Variants in FGF12 observed in about 807,000 individuals in gnomAD.
The protein encoded by FGF12 is fibroblast growth factor 12.
A neutral mutation model predicts 23.6 loss-of-function variants in FGF12; 14 were observed. The observed-to-expected ratio is 0.59, with a 90% CI of 0.39 to 0.93. FGF12 has a LOEUF of 0.93. FGF12 is among the 40% of genes least tolerant of loss of function. The probability of loss-of-function intolerance (pLI) is 0.00; values close to 1 mark genes in which losing one functional copy is unlikely to be tolerated. For synonymous variants in FGF12, 62 were observed against 77.3 expected (o/e 0.80, Z 1.04); for missense variants, 175 against 217.8 (o/e 0.80, Z 1.24).
At chr3:192,725,934 T>C (rs947546066) in intron 2 of FGF12, among the ~76,000 whole-genome samples, 1 of 152,330 alleles carries the variant, frequency 6.6e-6, no homozygotes, top group Middle Eastern at 3.4e-3. Context: ...GACGTGGAGA[T>C]GCCCATCAAT....
intron 2 of FGF12, among the ~76,000 whole-genome samples, chr3:192,405,773 T>C (rs1199577464): frequency 6.6e-6 from 1 of 152,254 alleles, no homozygotes; most frequent in African/African-American, 2.4e-5. Context: ...TTCCATGCTA[T>C]GTGAATCATG....
chr3:192,572,016 A>G (rs1472820203), intron 2 of FGF12, among the ~76,000 whole-genome samples: 4 of 151,744 alleles, frequency 2.6e-5, no homozygotes, highest in Non-Finnish European at 2.9e-5. Flanking sequence ...ACTTATCCAC[A>G]GTGCCTAGTA....
chr3:192,645,667 T>C (rs1715976887), intron 2 of FGF12, among the ~76,000 whole-genome samples: 2 of 150,046 alleles, frequency 1.3e-5, no homozygotes, highest in South Asian at 4.2e-4. Flanking sequence ...GTACAGGTGG[T>C]AATTAAAGTC....
intron 2 of FGF12, among the ~76,000 whole-genome samples, chr3:192,606,443 T>G (rs77742003): frequency 6.6e-6 from 1 of 152,088 alleles, no homozygotes; most frequent in African/African-American, 2.4e-5. Flanking sequence ...ACTTGGGTGA[T>G]GGGATCAACT....
intron 2 of FGF12, among the ~76,000 whole-genome samples, chr3:192,428,522 G>GA (rs1721759172): frequency 6.6e-6 from 1 of 152,152 alleles, no homozygotes; most frequent in South Asian, 2.1e-4. Flanking sequence ...AAAGAAAAAA[G>GA]AAAAAACACT....
At chr3:192,357,719 T>G (rs1274272906) in intron 3 of FGF12, among the ~76,000 whole-genome samples, 1 of 152,214 alleles carries the variant, frequency 6.6e-6, no homozygotes, top group African/African-American at 2.4e-5. Flanking sequence ...TCAATCAAAA[T>G]CTTTTCACTC....
chr3:192,454,150 T>C (rs1481821963), intron 2 of FGF12, among the ~76,000 whole-genome samples: 1 of 152,136 alleles, frequency 6.6e-6, no homozygotes, highest in Admixed American at 6.5e-5. Context: ...GCGATTCTCC[T>C]GCCTCAGCCT....
At chr3:192,165,856 C>G (rs1715135602) in intron 5 of FGF12, among the ~76,000 whole-genome samples, 2 of 152,134 alleles carry the variant, frequency 1.3e-5, no homozygotes, top group Admixed American at 6.5e-5. Context: ...GACTGCAACC[C>G]CAGTTCTGTA....
chr3:192,607,846 T>TAA (rs36061162), intron 2 of FGF12, among the ~76,000 whole-genome samples: 53 of 122,050 alleles, frequency 4.3e-4, no homozygotes, highest in African/African-American at 7.7e-4. Context: ...CACTGAAAAT[T>TAA]AAAAAAAAAA....
chr3:192,327,145 T>C (rs1386144025), intron 4 of FGF12, among the ~76,000 whole-genome samples: 1 of 152,196 alleles, frequency 6.6e-6, no homozygotes, highest in Non-Finnish European at 1.5e-5. Flanking sequence ...CATCAATATC[T>C]ACTGGTTCAT....
chr3:192,688,701 A>T (rs1222944288), intron 2 of FGF12, among the ~76,000 whole-genome samples: 1 of 152,242 alleles, frequency 6.6e-6, no homozygotes, highest in Non-Finnish European at 1.5e-5. Context: ...AAAACTAAAA[A>T]TACTATTACT....
intron 3 of FGF12, among the ~76,000 whole-genome samples, chr3:192,357,600 C>A (rs1438906797): frequency 6.6e-6 from 1 of 151,848 alleles, no homozygotes; most frequent in African/African-American, 2.4e-5. Context: ...AACTTTTCTA[C>A]ATATTGACGG....
chr3:192,432,794 A>G (rs1252347979), intron 2 of FGF12, among the ~76,000 whole-genome samples: 6 of 152,116 alleles, frequency 3.9e-5, no homozygotes, highest in Admixed American at 3.9e-4. Flanking sequence ...TTTTGTGAGA[A>G]CCTGAGTAGA....
chr3:192,530,652 T>C (rs1725063871), intron 2 of FGF12, among the ~76,000 whole-genome samples: 2 of 152,224 alleles, frequency 1.3e-5, no homozygotes. Flanking sequence ...TTTTGCTTCA[T>C]CAAAATTCTA....
At chr3:192,302,702 C>G (rs1715415169) in intron 4 of FGF12, among the ~76,000 whole-genome samples, 1 of 152,110 alleles carries the variant, frequency 6.6e-6, no homozygotes, top group Admixed American at 6.6e-5. Flanking sequence ...CCTGGACATA[C>G]AAAGGAAGAA....
chr3:192,554,903 T>C (rs1245421786), intron 2 of FGF12, among the ~76,000 whole-genome samples: 2 of 152,124 alleles, frequency 1.3e-5, no homozygotes, highest in African/African-American at 4.8e-5. Context: ...AAAAATTTAC[T>C]AGAGGGGTTC....
At chr3:192,609,011 A>G (rs1228200529) in intron 2 of FGF12, among the ~76,000 whole-genome samples, 6 of 152,116 alleles carry the variant, frequency 3.9e-5, no homozygotes, top group Non-Finnish European at 8.8e-5. Context: ...AAGGGACAGA[A>G]TCTGTAGTTA....
intron 2 of FGF12, among the ~76,000 whole-genome samples, chr3:192,554,083 C>T (rs553029410): frequency 4.6e-5 from 7 of 152,316 alleles, no homozygotes; most frequent in South Asian, 2.1e-4. Context: ...TCTGTCTTGC[C>T]TGTCTTGGAG....
At chr3:192,698,420 C>G (rs544592969) in intron 2 of FGF12, among the ~76,000 whole-genome samples, 1 of 152,226 alleles carries the variant, frequency 6.6e-6, no homozygotes, top group South Asian at 2.1e-4. Flanking sequence ...TCACAAAATA[C>G]AGGAATTACA....
Sources: allele counts gnomAD v4.1 joint callset (sites outside exome capture counted in the v4.1 genomes callset), GRCh38; gene constraint gnomAD v4.1.1; transcripts MANE v1.5; gene names NCBI Gene and HGNC (gene_info 2026-07-23, HGNC 2026-07-21).